KCNIP4: variants seen among roughly 807,000 people sequenced by gnomAD.
The protein encoded by KCNIP4 is Kv channel-interacting protein 4.
In KCNIP4, 12 loss-of-function variants were observed where a neutral mutation model predicts 34.0. The observed-to-expected ratio is 0.35, with a 90% CI of 0.23 to 0.57. The LOEUF (loss-of-function observed/expected upper bound fraction) is 0.57, where lower values mean the gene tolerates loss of function less well. Among genes scored for constraint, KCNIP4 ranks in the 20% least tolerant of loss-of-function variants. The pLI, the probability that KCNIP4 is intolerant of heterozygous loss-of-function variation, is 0.83. For synonymous variants in KCNIP4, 124 were observed against 102.2 expected (o/e 1.21, Z -1.29); for missense variants, 238 against 311.7 (o/e 0.76, Z 1.78).
intron 1 of KCNIP4, among the ~76,000 whole-genome samples, chr4:21,270,072 TG>T (rs991639853): frequency 1.3e-5 from 2 of 152,120 alleles, no homozygotes; most frequent in African/African-American, 4.8e-5. Flanking sequence ...AGAGCATGAG[TG>T]GGAGCATTTC....
chr4:21,741,743 T>G (rs1418536294), intron 1 of KCNIP4, among the ~76,000 whole-genome samples: 1 of 152,050 alleles, frequency 6.6e-6, no homozygotes, highest in Non-Finnish European at 1.5e-5. Flanking sequence ...TCAATGTAAC[T>G]GAAAAATACA....
At chr4:21,408,355 G>A (rs1039733245) in intron 1 of KCNIP4, among the ~76,000 whole-genome samples, 4 of 152,142 alleles carry the variant, frequency 2.6e-5, no homozygotes, top group African/African-American at 9.7e-5. Flanking sequence ...TGTTCAAAGA[G>A]ACAAATCGCA....
At chr4:21,058,261 C>A (rs1577612590) in intron 1 of KCNIP4, among the ~76,000 whole-genome samples, 1 of 151,568 alleles carries the variant, frequency 6.6e-6, no homozygotes, top group African/African-American at 2.4e-5. Context: ...AGATTGGTGG[C>A]CAAGAATAAT....
intron 1 of KCNIP4, chr4:21,697,550 A>G (rs979114110): frequency 2.1e-6 from 3 of 1,429,020 alleles, no homozygotes. Context: ...GTTTATGCAC[A>G]GGCTGCCTTA....
At chr4:21,028,875 G>A (rs948644399) in intron 1 of KCNIP4, among the ~76,000 whole-genome samples, 3 of 152,178 alleles carry the variant, frequency 2.0e-5, no homozygotes, top group Admixed American at 6.5e-5. Flanking sequence ...AACCAATGTA[G>A]TTTGGAAGAA....
At chr4:20,831,933 C>T (rs1031321552) in intron 3 of KCNIP4, among the ~76,000 whole-genome samples, 1 of 152,188 alleles carries the variant, frequency 6.6e-6, no homozygotes, top group African/African-American at 2.4e-5. Flanking sequence ...CACTTTCAAC[C>T]ACTGTGGCCA....
Position 21,519,672 on chromosome 4 carries a change from GTGTA to G in KCNIP4, c.61+428895_61+428898del, listed in dbSNP as rs1315861487. Among the ~76,000 whole-genome samples, 33 of 144,268 alleles carry G rather than the reference GTGTA, an allele frequency of 2.3e-4. 4 individuals carry two copies. The highest frequency in any genetic ancestry group is 1.2e-3 in the Admixed American group (18 of 14,560). 94.6% of individuals were successfully genotyped at this position (144,268 alleles called of 152,430 possible). A position where few individuals can be genotyped will look rare whatever the true frequency, so the allele number is the denominator to read the frequency against. On this transcript the variant is annotated intron_variant, in intron 1 of 8. Transcript: ENST00000382152. The stretch of plus-strand genomic sequence containing the variant: ...TATGTATGTGTATATATACACGTGT[GTGTA>G]TGTATGTGTATATACACACGTGTGT...
chr4:21,915,088 G>T (rs1442102022), intron 1 of KCNIP4, among the ~76,000 whole-genome samples: 1 of 152,154 alleles, frequency 6.6e-6, no homozygotes, highest in African/African-American at 2.4e-5. Flanking sequence ...TGCTGTAGCG[G>T]CACAGAGAGT....
intron 1 of KCNIP4, among the ~76,000 whole-genome samples, chr4:21,241,336 G>C (rs972454473): frequency 2.0e-5 from 3 of 152,056 alleles, no homozygotes; most frequent in Non-Finnish European, 4.4e-5. Context: ...AAGTTTATAT[G>C]GGTTTTCTTT....
intron 1 of KCNIP4, among the ~76,000 whole-genome samples, chr4:20,887,943 A>G (rs1273348206): frequency 6.6e-6 from 1 of 152,074 alleles, no homozygotes; most frequent in Non-Finnish European, 1.5e-5. Flanking sequence ...TAATAACATG[A>G]AAGTTGGGGG....
At chr4:21,340,313 C>T (rs1164780346) in intron 1 of KCNIP4, among the ~76,000 whole-genome samples, 1 of 152,116 alleles carries the variant, frequency 6.6e-6, no homozygotes, top group African/African-American at 2.4e-5. Context: ...CAATGAAAAA[C>T]AGTTCATTTA....
intron 1 of KCNIP4, among the ~76,000 whole-genome samples, chr4:21,767,012 T>C (rs4580637): frequency 1 from 151,813 of 152,286 alleles, 75,671 homozygotes; most frequent in Middle Eastern, 1. Context: ...TGTCAGGTAG[T>C]GATCATGGCA....
intron 1 of KCNIP4, among the ~76,000 whole-genome samples, chr4:21,737,167 G>T (rs889450051): frequency 1.3e-5 from 2 of 152,194 alleles, no homozygotes; most frequent in African/African-American, 4.8e-5. Context: ...ACCCTCGGGT[G>T]TAGTCATTTA....
intron 1 of KCNIP4, among the ~76,000 whole-genome samples, chr4:21,200,908 C>A (rs1465002094): frequency 1.3e-5 from 2 of 151,974 alleles, no homozygotes; most frequent in Non-Finnish European, 2.9e-5. Context: ...ATGCTGATTT[C>A]TACTTCTGAT....
chr4:21,555,177 A>G (rs932914539), intron 1 of KCNIP4, among the ~76,000 whole-genome samples: 2 of 152,134 alleles, frequency 1.3e-5, no homozygotes, highest in African/African-American at 2.4e-5. Context: ...TTGAGATCAC[A>G]GAGGCAGGGC....
At chr4:20,811,198 GA>G (rs1715707661) in intron 3 of KCNIP4, among the ~76,000 whole-genome samples, 1 of 152,058 alleles carries the variant, frequency 6.6e-6, no homozygotes, top group Admixed American at 6.6e-5. Context: ...TTTCCATAGG[GA>G]AAAAACTCCC....
At chr4:21,000,692 GA>G (rs569430383) in intron 1 of KCNIP4, among the ~76,000 whole-genome samples, 38 of 143,910 alleles carry the variant, frequency 2.6e-4, no homozygotes, top group East Asian at 1.0e-3. Flanking sequence ...TCTCAAAGAA[GA>G]AAAAAAAAAA....
At chr4:21,595,981 G>A (rs1022627896) in intron 1 of KCNIP4, among the ~76,000 whole-genome samples, 1 of 152,094 alleles carries the variant, frequency 6.6e-6, no homozygotes. Context: ...TTGTGTTGAA[G>A]CACAGAGAAA....
chr4:21,033,709 A>C (rs983308056), intron 1 of KCNIP4, among the ~76,000 whole-genome samples: 1 of 152,116 alleles, frequency 6.6e-6, no homozygotes, highest in Non-Finnish European at 1.5e-5. Context: ...GATTATAGAC[A>C]CTCTCTATAT....
Sources: allele counts gnomAD v4.1 joint callset (sites outside exome capture counted in the v4.1 genomes callset), GRCh38; gene constraint gnomAD v4.1.1; transcripts MANE v1.5; gene names NCBI Gene and HGNC (gene_info 2026-07-23, HGNC 2026-07-21).